Variants in NCKAP5 observed in about 807,000 individuals in gnomAD.
The protein encoded by NCKAP5 is NCK associated protein 5, also known as nck-associated protein 5.
In NCKAP5, 92 loss-of-function variants were observed where a neutral mutation model predicts 167.0. The observed-to-expected ratio is 0.55, with a 90% CI of 0.47 to 0.66. NCKAP5 has a LOEUF of 0.66. Among genes scored for constraint, NCKAP5 ranks in the 30% least tolerant of loss-of-function variants. The pLI is 0.00. For synonymous variants in NCKAP5, 891 were observed against 877.4 expected, an observed-to-expected ratio of 1.02 and a Z score of -0.27; for missense variants, 2,378 against 2,315.0, an observed-to-expected ratio of 1.03 and a Z score of -0.56.
intron 4 of NCKAP5, among the ~76,000 whole-genome samples, chr2:133,233,185 C>T (rs2087234149): frequency 6.6e-6 from 1 of 152,170 alleles, no homozygotes; most frequent in African/African-American, 2.4e-5. Flanking sequence ...ACTCCTTATA[C>T]TTCTTAATTC....
At chr2:133,533,731 T>C (rs1057124314) in intron 2 of NCKAP5, among the ~76,000 whole-genome samples, 1 of 152,240 alleles carries the variant, frequency 6.6e-6, no homozygotes, top group African/African-American at 2.4e-5. Context: ...CAAAGGTTTT[T>C]TCTTCTTACA....
intron 5 of NCKAP5, among the ~76,000 whole-genome samples, chr2:133,158,032 C>T (rs371281911): frequency 6.6e-6 from 1 of 152,130 alleles, no homozygotes; most frequent in African/African-American, 2.4e-5. Flanking sequence ...TATATTTCAA[C>T]TAAAGGGTAG....
At position 132,752,539 on chromosome 2, in the gene NCKAP5, G is replaced by T. The variant is rs59224992; in HGVS notation, c.5129-20488C>A. On this transcript the variant is annotated intron_variant, in intron 16 of 19. Transcript: ENST00000409261. ...CATCTGTAGTCTCTACCCACCCCCT[G>T]CCCAGTTTGTAGAATAAGTTTATTG... 5.5e-3 allele frequency among the ~76,000 whole-genome samples: 838 copies of T among 152,212 alleles called. 11 individuals carry two copies. The highest frequency in any genetic ancestry group is 0.019 in the African/African-American group (772 of 41,538).
chr2:133,266,716 T>C (rs1198125441), intron 4 of NCKAP5, among the ~76,000 whole-genome samples: 2 of 152,162 alleles, frequency 1.3e-5, no homozygotes, highest in Non-Finnish European at 2.9e-5. Flanking sequence ...GCTCCTCCGC[T>C]TTGTTGTGTT....
chr2:133,369,131 G>A (rs55788182), intron 3 of NCKAP5, among the ~76,000 whole-genome samples: 32,185 of 152,034 alleles, frequency 0.21, 3,689 homozygotes, highest in Non-Finnish European at 0.25. Flanking sequence ...GAAATGATGT[G>A]GAAAGAAATA....
At chr2:132,801,754 T>C (rs922915734) in intron 11 of NCKAP5, among the ~76,000 whole-genome samples, 4 of 152,226 alleles carry the variant, frequency 2.6e-5, no homozygotes, top group African/African-American at 9.6e-5. Context: ...GTCAGTTTTA[T>C]GTTCTCTGTG....
intron 16 of NCKAP5, among the ~76,000 whole-genome samples, chr2:132,763,487 G>T (rs1415796081): frequency 2.0e-5 from 3 of 152,182 alleles, no homozygotes; most frequent in Non-Finnish European, 4.4e-5. Flanking sequence ...ATCACCTGCG[G>T]ATCTTCAAGA....
intron 4 of NCKAP5, among the ~76,000 whole-genome samples, chr2:133,239,050 A>C (rs2087556480): frequency 6.6e-6 from 1 of 152,242 alleles, no homozygotes; most frequent in Admixed American, 6.5e-5. Flanking sequence ...ACTATTATAC[A>C]GTCCATCATG....
chr2:133,276,559 C>T (rs1319862764), intron 4 of NCKAP5, among the ~76,000 whole-genome samples: 1 of 147,858 alleles, frequency 6.8e-6, no homozygotes, highest in Non-Finnish European at 1.5e-5. Flanking sequence ...ATCAACTCTT[C>T]TAGAAAAAAA....
chr2:133,011,909 G>A (rs746955263), intron 6 of NCKAP5, among the ~76,000 whole-genome samples: 13 of 152,102 alleles, frequency 8.5e-5, no homozygotes, highest in East Asian at 5.8e-4. Context: ...TTACAGATGC[G>A]GAGGCCCCTG....
chr2:133,039,150 G>C (rs1336637788), intron 6 of NCKAP5, among the ~76,000 whole-genome samples: 2 of 152,178 alleles, frequency 1.3e-5, no homozygotes, highest in Non-Finnish European at 2.9e-5. Context: ...AGGGCCAGAG[G>C]AGCCCCACAG....
intron 11 of NCKAP5, among the ~76,000 whole-genome samples, chr2:132,823,031 C>G (rs1388792888): frequency 6.6e-6 from 1 of 152,106 alleles, no homozygotes; most frequent in Non-Finnish European, 1.5e-5. Context: ...AAAAAATGAA[C>G]AAAACCTCTA....
chr2:132,881,317 G>T (rs938764381), intron 8 of NCKAP5, among the ~76,000 whole-genome samples: 1 of 151,978 alleles, frequency 6.6e-6, no homozygotes, highest in Admixed American at 6.6e-5. Flanking sequence ...TGGGATTACA[G>T]GTGACCACCA....
the NCKAP5 span, among the ~76,000 whole-genome samples, chr2:133,589,226 G>A: frequency 6.6e-6 from 1 of 152,186 alleles, no homozygotes; most frequent in Non-Finnish European, 1.5e-5. Flanking sequence ...AGCAGTGGAG[G>A]TGTCAGGATG....
At chr2:133,355,580 G>A (rs1361757987) in intron 3 of NCKAP5, among the ~76,000 whole-genome samples, 1 of 151,934 alleles carries the variant, frequency 6.6e-6, no homozygotes, top group African/African-American at 2.4e-5. Flanking sequence ...TTACGGTATT[G>A]TGATTACTTA....
chr2:132,921,929 T>C (rs1476125634), intron 8 of NCKAP5, among the ~76,000 whole-genome samples: 5 of 152,166 alleles, frequency 3.3e-5, no homozygotes, highest in Admixed American at 3.3e-4. Context: ...AGAGTCAATA[T>C]CAGGACTTTT....
intron 4 of NCKAP5, among the ~76,000 whole-genome samples, chr2:133,221,006 T>C (rs1315370685): frequency 6.6e-6 from 1 of 152,130 alleles, no homozygotes; most frequent in African/African-American, 2.4e-5. Context: ...CTACTCATTG[T>C]TAAGTCTCAC....
chr2:133,650,646 A>G, the NCKAP5 span, among the ~76,000 whole-genome samples: 1 of 152,268 alleles, frequency 6.6e-6, no homozygotes, highest in Admixed American at 6.5e-5. Flanking sequence ...AGGCCGAGGC[A>G]GGTGGATTGC....
chr2:132,718,475 G>A (rs1040562552), intron 19 of NCKAP5, among the ~76,000 whole-genome samples: 3 of 152,186 alleles, frequency 2.0e-5, no homozygotes, highest in Admixed American at 2.0e-4. Flanking sequence ...CAGGAGGCAC[G>A]GGACTATTTA....
Sources: allele counts gnomAD v4.1 joint callset (sites outside exome capture counted in the v4.1 genomes callset), GRCh38; gene constraint gnomAD v4.1.1; transcripts MANE v1.5; gene names NCBI Gene and HGNC (gene_info 2026-07-23, HGNC 2026-07-21).